CCND3: variants seen among roughly 807,000 people sequenced by gnomAD.
CCND3 encodes the protein G1/S-specific cyclin-D3.
A neutral mutation model predicts 28.7 loss-of-function variants in CCND3; 9 were observed. The observed-to-expected ratio is 0.31, with a 90% CI of 0.19 to 0.55. The LOEUF is 0.55. CCND3 is among the 20% of genes least tolerant of loss of function. The pLI, the probability that CCND3 is intolerant of heterozygous loss-of-function variation, is 0.93. For synonymous variants in CCND3, 164 were observed against 163.9 expected (o/e 1.00, Z 0.00); for missense variants, 315 against 385.8 (o/e 0.82, Z 1.54).
chr6:42,044,881 C>T (rs1383898850), intron 1 of CCND3, among the ~76,000 whole-genome samples: 4 of 151,490 alleles, frequency 2.6e-5, no homozygotes, highest in African/African-American at 9.7e-5. Flanking sequence ...CTCCGCCTCC[C>T]GGGTTCAAGT....
At chr6:42,040,372 C>A (rs898027946) in intron 1 of CCND3, among the ~76,000 whole-genome samples, 3 of 151,900 alleles carry the variant, frequency 2.0e-5, no homozygotes, top group Admixed American at 6.6e-5. Flanking sequence ...GAGCTGAGAT[C>A]GTGCCATTGC....
chr6:42,044,566 G>A (rs1764473579), intron 1 of CCND3, among the ~76,000 whole-genome samples: 1 of 152,132 alleles, frequency 6.6e-6, no homozygotes, highest in Non-Finnish European at 1.5e-5. Flanking sequence ...AGCCCCATTT[G>A]TTAGAAAGTT....
chr6:41,982,729 C>T (rs528548809), intron 1 of CCND3, among the ~76,000 whole-genome samples: 3 of 152,064 alleles, frequency 2.0e-5, no homozygotes, highest in South Asian at 4.2e-4. Flanking sequence ...GCAAAAGACT[C>T]GACAAATAGA....
chr6:41,960,075 T>C (rs4478405), intron 1 of CCND3, among the ~76,000 whole-genome samples: 15,775 of 152,186 alleles, frequency 0.1, 869 homozygotes, highest in African/African-American at 0.11. Context: ...TATTGATGCA[T>C]GCTACAACAC....
At position 41,935,357 on chromosome 6, in the gene CCND3, A is replaced by G. The variant is rs1302471749; in HGVS notation, c.*583T>C. 4.2e-6 allele frequency: 1 copy of G among 236,252 alleles called. No homozygotes were observed. Among genetic ancestry groups the G allele is most frequent in the Admixed American group, 5.6e-5 (1 of 17,862 alleles). 14.6% of individuals were successfully genotyped at this position (236,252 alleles called of 1,614,324 possible). ...GTCAATCACACAGGAGAAGCTGAGC[A>G]GAAAGCAAAGCAAAGAGGAATTTAT... is the stretch of plus-strand genomic sequence containing the variant. On this transcript the variant is annotated 3_prime_UTR_variant, in exon 5 of 5. Transcript: ENST00000372991.
intron 1 of CCND3, among the ~76,000 whole-genome samples, chr6:42,046,498 C>G (rs114372870): frequency 0.017 from 2,582 of 152,308 alleles, 61 homozygotes; most frequent in African/African-American, 0.059. Flanking sequence ...TCCCAAATCC[C>G]CAGATTCTGG....
chr6:42,014,332 C>T (rs1241861884), intron 1 of CCND3, among the ~76,000 whole-genome samples: 2 of 152,114 alleles, frequency 1.3e-5, no homozygotes, highest in African/African-American at 4.8e-5. Context: ...GGCGCCACTG[C>T]ACTCCAGCCT....
At chr6:42,045,349 C>A (rs1031211867) in intron 1 of CCND3, among the ~76,000 whole-genome samples, 6 of 152,174 alleles carry the variant, frequency 3.9e-5, no homozygotes, top group Non-Finnish European at 8.8e-5. Flanking sequence ...TTACTTTGAG[C>A]AAGTTTGCCT....
At chr6:41,958,712 T>A (rs796943526) in intron 1 of CCND3, among the ~76,000 whole-genome samples, 2 of 152,174 alleles carry the variant, frequency 1.3e-5, no homozygotes, top group South Asian at 4.1e-4. Context: ...ATCTTCTAAT[T>A]TTTTTGGTAT....
At chr6:42,001,062 C>T (rs1762995689) in intron 1 of CCND3, among the ~76,000 whole-genome samples, 1 of 151,056 alleles carries the variant, frequency 6.6e-6, no homozygotes, top group Non-Finnish European at 1.5e-5. Context: ...ATGGTGAAAC[C>T]CCATCTCTAC....
intron 1 of CCND3, among the ~76,000 whole-genome samples, chr6:42,032,591 C>T (rs908555395): frequency 1.3e-5 from 2 of 152,256 alleles, no homozygotes; most frequent in Non-Finnish European, 1.5e-5. Context: ...TTAAGTATAC[C>T]ACTCACAGTG....
At position 41,949,127 on chromosome 6, in the gene CCND3, T is replaced by A. The variant is rs182701873; in HGVS notation, c.-45-8542A>T. On this transcript the variant is annotated intron_variant, in intron 1 of 4. Coordinates refer to the CCND3 transcript ENST00000372988. ...ACTTTGAGAGGCTAAGTTGGGAGGA[T>A]CACTGAGGCCAGGGGTTCAAGACCA... Among the ~76,000 whole-genome samples, 390 of 152,122 alleles carry A rather than the reference T, an allele frequency of 2.6e-3. 3 individuals carry two copies. Among genetic ancestry groups the A allele is most frequent in the African/African-American group, 8.9e-3 (370 of 41,502 alleles).
At chr6:42,000,677 C>G (rs1303350999) in intron 1 of CCND3, among the ~76,000 whole-genome samples, 3 of 147,538 alleles carry the variant, frequency 2.0e-5, no homozygotes, top group Non-Finnish European at 4.4e-5. Flanking sequence ...AAGCGATTCC[C>G]CTGCCTCAGC....
upstream of CCND3, among the ~76,000 whole-genome samples, chr6:41,943,920 T>C (rs2127396862): frequency 6.6e-6 from 1 of 152,358 alleles, no homozygotes; most frequent in East Asian, 1.9e-4. Context: ...TTATAAGTTC[T>C]CATCACCTCT....
At chr6:41,961,114 C>A (rs1260768792) in intron 1 of CCND3, among the ~76,000 whole-genome samples, 1 of 152,238 alleles carries the variant, frequency 6.6e-6, no homozygotes, top group Non-Finnish European at 1.5e-5. Context: ...ACTCTGCTGT[C>A]TCCATGAGAT....
At chr6:41,943,871 C>A (rs1776103570), upstream of CCND3, among the ~76,000 whole-genome samples, 2 of 152,258 alleles carry the variant, frequency 1.3e-5, no homozygotes, top group South Asian at 4.1e-4. Context: ...ATGTCCTTAG[C>A]TTATTCATTT....
chr6:41,972,876 TA>T (rs1762072717), intron 1 of CCND3, among the ~76,000 whole-genome samples: 3 of 149,576 alleles, frequency 2.0e-5, no homozygotes, highest in African/African-American at 7.3e-5. Flanking sequence ...TATATATATA[TA>T]TATTTAAAAA....
chr6:41,942,872 C>CTTT (rs60884050), upstream of CCND3, among the ~76,000 whole-genome samples: 193 of 82,572 alleles, frequency 2.3e-3, no homozygotes, highest in East Asian at 4.6e-3. Context: ...GTTAATTATT[C>CTTT]TTTTTTTTTT....
At chr6:41,953,503 G>T (rs10947997) in intron 1 of CCND3, among the ~76,000 whole-genome samples, 20,959 of 151,920 alleles carry the variant, frequency 0.14, 1,849 homozygotes, top group East Asian at 0.24. Flanking sequence ...AATCCAAGGG[G>T]TAATTATTTC....
Sources: gnomAD v4.1 joint callset for allele counts (sites outside exome capture counted in the v4.1 genomes callset) on GRCh38, gnomAD v4.1.1 for gene constraint, MANE v1.5 for transcripts, NCBI Gene and HGNC (gene_info 2026-07-23, HGNC 2026-07-21) for gene names.